Variants in ARID1B observed in about 807,000 individuals in gnomAD.
ARID1B encodes the protein AT-rich interaction domain 1B.
ARID1B carries 30 observed loss-of-function variants against 212.3 expected under a neutral mutation model. That is an observed-to-expected ratio of 0.14 (90% CI 0.11 to 0.19). ARID1B has a LOEUF of 0.19. ARID1B is among the 10% of genes least tolerant of loss of function. The pLI is 1.00. For missense variants in ARID1B, 2,891 were observed against 3,204.0 expected, an observed-to-expected ratio of 0.90 and a Z score of 2.36; for synonymous variants, 1,402 against 1,301.7, an observed-to-expected ratio of 1.08 and a Z score of -1.66.
chr6:156,877,001 T>G (rs1786616466), intron 2 of ARID1B, among the ~76,000 whole-genome samples: 1 of 152,184 alleles, frequency 6.6e-6, no homozygotes, highest in Non-Finnish European at 1.5e-5. Context: ...TTCAAGCGAT[T>G]CTCCTGCCTC....
At chr6:156,990,173 CT>C (rs11156127) in intron 4 of ARID1B, among the ~76,000 whole-genome samples, 53,367 of 134,732 alleles carry the variant, frequency 0.4, 10,849 homozygotes, top group African/African-American at 0.55. Context: ...ATTTCCTTAA[CT>C]TTTTTTTTTT....
intron 1 of ARID1B, 30 bp from the exon 2 acceptor site, chr6:156,829,197 A>G: frequency 1.3e-6 from 2 of 1,567,048 alleles, no homozygotes; most frequent in Non-Finnish European, 8.7e-7. Context: ...AGAATGAATT[A>G]ATAAACCGAC....
At chr6:156,823,720 C>A (rs1278866506) in intron 1 of ARID1B, among the ~76,000 whole-genome samples, 2 of 123,562 alleles carry the variant, frequency 1.6e-5, no homozygotes, top group East Asian at 4.4e-4. Context: ...AGTGTTTTTC[C>A]AATTTGCGGT....
intron 1 of ARID1B, among the ~76,000 whole-genome samples, chr6:156,781,738 A>G (rs1005226764): frequency 6.6e-6 from 1 of 152,086 alleles, no homozygotes; most frequent in Non-Finnish European, 1.5e-5. Flanking sequence ...TATAGAGAAG[A>G]ATCATGGAAA....
At chr6:156,863,465 TAA>T (rs1314297200) in intron 2 of ARID1B, among the ~76,000 whole-genome samples, 1 of 152,164 alleles carries the variant, frequency 6.6e-6, no homozygotes, top group African/African-American at 2.4e-5. Flanking sequence ...AGGCCAGTTT[TAA>T]AGATGATGAT....
intron 9 of ARID1B, among the ~76,000 whole-genome samples, chr6:157,171,371 CTT>C (rs1791707552): frequency 6.6e-6 from 1 of 152,196 alleles, no homozygotes; most frequent in Non-Finnish European, 1.5e-5. Flanking sequence ...GGAACAGTGC[CTT>C]GATTTAACAC....
chr6:157,110,573 G>A lies in ARID1B; in HGVS notation c.2581+12G>A, dbSNP rs376101192. The A allele has an allele frequency of 1.9e-6, 3 of 1,613,454 alleles. No individual in the cohort carries two copies. The highest frequency in any genetic ancestry group is 2.2e-5 in the South Asian group (2 of 91,060). On this transcript the variant is annotated intron_variant, in intron 6 of 19. Transcript: ENST00000636930. ...GCCACAGGAAAGAGGTTCGTCTCCA[G>A]TTCATGTCTTACATGCCTATAGTGC...
chr6:156,916,295 T>C (rs1290914574), intron 3 of ARID1B, among the ~76,000 whole-genome samples: 1 of 152,178 alleles, frequency 6.6e-6, no homozygotes, highest in African/African-American at 2.4e-5. Context: ...TGCTGCTCTT[T>C]TTAGGGGGCA....
At chr6:157,000,716 T>TTTTTTTTTTTTA (rs1778863620) in intron 4 of ARID1B, among the ~76,000 whole-genome samples, 2 of 102,398 alleles carry the variant, frequency 2.0e-5, no homozygotes, top group Admixed American at 9.8e-5. Flanking sequence ...TTTTTTTTTT[T>TTTTTTTTTTTTA]GAGACAGAGT....
chr6:156,897,496 A>T (rs1788576707), intron 2 of ARID1B, among the ~76,000 whole-genome samples: 1 of 150,512 alleles, frequency 6.6e-6, no homozygotes, highest in Non-Finnish European at 1.5e-5. Flanking sequence ...CTGGTTTGGA[A>T]CTCCTGACCT....
chr6:157,176,422 GA>G (rs1259124066), intron 11 of ARID1B, among the ~76,000 whole-genome samples: 1 of 152,068 alleles, frequency 6.6e-6, no homozygotes, highest in Non-Finnish European at 1.5e-5. Flanking sequence ...TTTTTAATAG[GA>G]AAAGCATTCC....
chr6:156,975,395 A>C (rs1390151757), intron 4 of ARID1B, among the ~76,000 whole-genome samples: 5 of 152,060 alleles, frequency 3.3e-5, no homozygotes, highest in Non-Finnish European at 1.5e-5. Flanking sequence ...ATCTTTTATC[A>C]TATATATGAT....
At chr6:157,038,585 C>CTG (rs948015788) in intron 4 of ARID1B, among the ~76,000 whole-genome samples, 1 of 152,058 alleles carries the variant, frequency 6.6e-6, no homozygotes, top group African/African-American at 2.4e-5. Flanking sequence ...TTTTATGTTT[C>CTG]TGTATCTGCC....
intron 4 of ARID1B, among the ~76,000 whole-genome samples, chr6:156,995,203 CGT>C (rs1343494466): frequency 1.3e-5 from 2 of 152,182 alleles, no homozygotes; most frequent in Non-Finnish European, 2.9e-5. Flanking sequence ...CCTGAGGTGA[CGT>C]ACGAATGAGC....
At chr6:157,060,301 T>C (rs957190614) in intron 4 of ARID1B, among the ~76,000 whole-genome samples, 1 of 152,216 alleles carries the variant, frequency 6.6e-6, no homozygotes, top group African/African-American at 2.4e-5. Context: ...ATTTTTACAT[T>C]GTAATAGGGT....
At chr6:156,813,046 A>C (rs1376203259) in intron 1 of ARID1B, among the ~76,000 whole-genome samples, 1 of 148,060 alleles carries the variant, frequency 6.8e-6, no homozygotes, top group Non-Finnish European at 1.5e-5. Flanking sequence ...ATATATACAC[A>C]TACGTATGTA....
intron 5 of ARID1B, among the ~76,000 whole-genome samples, chr6:157,085,208 T>A (rs921461977): frequency 1.3e-5 from 2 of 152,240 alleles, no homozygotes; most frequent in African/African-American, 4.8e-5. Flanking sequence ...ATGATTCTGT[T>A]ACATCAGAGC....
intron 4 of ARID1B, among the ~76,000 whole-genome samples, chr6:157,033,676 T>A (rs1305762375): frequency 6.6e-6 from 1 of 152,196 alleles, no homozygotes; most frequent in African/African-American, 2.4e-5. Context: ...AAGGTTTTTG[T>A]GCTTTAGGAG....
intron 1 of ARID1B, among the ~76,000 whole-genome samples, chr6:156,828,561 A>G (rs1188994194): frequency 6.6e-6 from 1 of 152,150 alleles, no homozygotes; most frequent in East Asian, 1.9e-4. Context: ...GGCCTGACTC[A>G]CCAAACCAAA....
Sources: allele counts gnomAD v4.1 joint callset (sites outside exome capture counted in the v4.1 genomes callset), GRCh38; gene constraint gnomAD v4.1.1; transcripts MANE v1.5; gene names NCBI Gene and HGNC (gene_info 2026-07-23, HGNC 2026-07-21).